SNTB1: variants seen among roughly 807,000 people sequenced by gnomAD.
SNTB1 encodes syntrophin beta 1.
In SNTB1, 36 loss-of-function variants were observed where a neutral mutation model predicts 48.9. That is an observed-to-expected ratio of 0.74 (90% CI 0.56 to 0.97). The LOEUF (loss-of-function observed/expected upper bound fraction) is 0.97. Among genes scored for constraint, SNTB1 ranks in the 50% least tolerant of loss-of-function variants. The pLI is 0.00. For missense variants in SNTB1, 786 were observed against 703.4 expected, an observed-to-expected ratio of 1.12 and a Z score of -1.33; for synonymous variants, 299 against 294.6, an observed-to-expected ratio of 1.01 and a Z score of -0.15.
chr8:120,603,275 T>C (rs1193756333), intron 3 of SNTB1, among the ~76,000 whole-genome samples: 1 of 152,100 alleles, frequency 6.6e-6, no homozygotes, highest in African/African-American at 2.4e-5. Context: ...AATTTTTGTA[T>C]TTCTGGTAGA....
At chr8:120,693,667 A>G (rs958539694) in intron 2 of SNTB1, 25 bp downstream of exon 2, 5 of 1,601,506 alleles carry the variant, frequency 3.1e-6, no homozygotes, top group Non-Finnish European at 3.4e-6. Flanking sequence ...TGCTTGATAC[A>G]GTGGAGAGTT....
intron 3 of SNTB1, among the ~76,000 whole-genome samples, chr8:120,598,020 A>T (rs576693843): frequency 2.4e-4 from 36 of 152,174 alleles, no homozygotes; most frequent in Non-Finnish European, 4.4e-4. Flanking sequence ...CTCAAGAGTA[A>T]ACTTTTTTCT....
In SNTB1 at chr8:120,811,931, G is replaced by C. The variant is rs1820447178; in HGVS notation, c.-88C>G. 4.7e-6 allele frequency: 6 copies of C among 1,279,474 alleles called. No individual in the cohort carries two copies. The Admixed American group carries it at 1.7e-4, about 36-fold the overall frequency. The allele number at this position is 1,279,474 out of a possible 1,614,324, so 79.3% of individuals were successfully genotyped here. On this transcript the variant is annotated 5_prime_UTR_variant, in exon 1 of 7. Coordinates refer to ENST00000517992, the MANE Select transcript of SNTB1 (RefSeq NM_021021.4). ...CGGGGGGAGGACGCGGGGCCCGGGG[G>C]AGCGAGGAGAGTGCGTCCCGCGGGG...
intron 3 of SNTB1, among the ~76,000 whole-genome samples, chr8:120,585,013 TA>T (rs1321889279): frequency 1.3e-5 from 2 of 152,162 alleles, no homozygotes; most frequent in African/African-American, 4.8e-5. Context: ...GCTGACACCT[TA>T]ATCTCCTAAT....
At chr8:120,628,625 C>T (rs1816924671) in intron 3 of SNTB1, among the ~76,000 whole-genome samples, 1 of 152,156 alleles carries the variant, frequency 6.6e-6, no homozygotes, top group Non-Finnish European at 1.5e-5. Context: ...GGTGTGGTGG[C>T]ATGCGCCTGT....
rs536390955 is a variant in SNTB1, at chr8:120,750,658, T to A, written c.572-56750A>T. On this transcript the variant is annotated intron_variant, in intron 1 of 6. Coordinates refer to ENST00000517992, the MANE Select transcript of SNTB1 (RefSeq NM_021021.4). ...TATAAAATAATTGAATACACTGGGGTGTATCTGGCCTTCTGTTTAAATGAA... is the reference window on the plus strand; with the variant it reads ...TATAAAATAATTGAATACACTGGGGAGTATCTGGCCTTCTGTTTAAATGAA... Among the ~76,000 whole-genome samples the A allele has an allele frequency of 6.1e-4, 92 of 151,872 alleles. 1 individual carries two copies. Among genetic ancestry groups the A allele is most frequent in the African/African-American group, 2.1e-3 (88 of 41,328 alleles).
chr8:120,607,548 T>C (rs976168892), intron 3 of SNTB1, among the ~76,000 whole-genome samples: 2 of 152,224 alleles, frequency 1.3e-5, no homozygotes, highest in African/African-American at 2.4e-5. Context: ...TAATGTTAAA[T>C]GGCCATTTAA....
At chr8:120,703,441 T>A (rs866057238) in intron 1 of SNTB1, among the ~76,000 whole-genome samples, 21 of 152,284 alleles carry the variant, frequency 1.4e-4, no homozygotes, top group African/African-American at 5.1e-4. Context: ...TCAGAGTTGT[T>A]CTCTAGGAGC....
intron 4 of SNTB1, among the ~76,000 whole-genome samples, chr8:120,563,524 G>A (rs966475441): frequency 9.2e-5 from 14 of 152,034 alleles, no homozygotes; most frequent in Admixed American, 5.2e-4. Flanking sequence ...CATGGCAGTC[G>A]ACACCAGGAA....
chr8:120,791,500 C>T (rs527763133), intron 1 of SNTB1, among the ~76,000 whole-genome samples: 2 of 152,144 alleles, frequency 1.3e-5, no homozygotes, highest in Admixed American at 6.5e-5. Context: ...TCAGAGTAAA[C>T]AGATAACTTA....
intron 3 of SNTB1, among the ~76,000 whole-genome samples, chr8:120,629,091 T>C (rs1816936778): frequency 6.6e-6 from 1 of 152,208 alleles, no homozygotes; most frequent in Non-Finnish European, 1.5e-5. Context: ...CAGTCTCTGG[T>C]CTTCCCCTGA....
intron 1 of SNTB1, among the ~76,000 whole-genome samples, chr8:120,794,661 G>A (rs918062576): frequency 5.9e-5 from 9 of 152,128 alleles, no homozygotes; most frequent in African/African-American, 2.2e-4. Context: ...GGTAATATTA[G>A]TTTTTATTAG....
At chr8:120,566,188 G>A (rs566864601) in intron 4 of SNTB1, among the ~76,000 whole-genome samples, 2 of 152,196 alleles carry the variant, frequency 1.3e-5, no homozygotes, top group South Asian at 2.1e-4. Context: ...AATTAGCCAA[G>A]TGTGGTCATG....
chr8:120,585,204 T>C (rs910301442), intron 3 of SNTB1, among the ~76,000 whole-genome samples: 8 of 152,192 alleles, frequency 5.3e-5, no homozygotes, highest in African/African-American at 1.9e-4. Flanking sequence ...AAGAAGAAAC[T>C]GTGGTTCTGA....
intron 2 of SNTB1, among the ~76,000 whole-genome samples, chr8:120,655,740 C>T (rs991589973): frequency 1.3e-5 from 2 of 152,164 alleles, no homozygotes; most frequent in Admixed American, 1.3e-4. Context: ...TGTTGAGCTT[C>T]CCAAAGATAG....
intron 6 of SNTB1, 57 bp from the exon 7 acceptor site, chr8:120,539,026 G>C (rs560854527): frequency 7.4e-7 from 1 of 1,357,430 alleles, no homozygotes; most frequent in South Asian, 1.3e-5. Context: ...TGATGTAGAT[G>C]GGTGATTTGC....
At chr8:120,679,986 T>G (rs919970015) in intron 2 of SNTB1, among the ~76,000 whole-genome samples, 14 of 152,188 alleles carry the variant, frequency 9.2e-5, no homozygotes, top group African/African-American at 3.4e-4. Context: ...AGAACTATAT[T>G]TTTTCTTGCC....
intron 5 of SNTB1, chr8:120,542,277 T>A: frequency 3.1e-6 from 1 of 325,710 alleles, no homozygotes. Flanking sequence ...TATCCAGCCA[T>A]CTAACAACAC....
In SNTB1 at chr8:120,676,589, T is replaced by C. The variant is rs2129802811; in HGVS notation, c.788+17103A>G. ...GTTTTCATTAGTTCATTTAGCTAAA[T>C]GCTGGTATATAGCAGTTAGTTTTCT... On this transcript the variant is annotated intron_variant, in intron 2 of 6. Coordinates refer to ENST00000517992, the MANE Select transcript of SNTB1 (RefSeq NM_021021.4). 2.0e-5 allele frequency among the ~76,000 whole-genome samples: 3 copies of C among 152,294 alleles called. 1 individual carries two copies. The East Asian group carries it at 5.8e-4, about 29-fold the overall frequency.
Sources: gnomAD v4.1 joint callset for allele counts (sites outside exome capture counted in the v4.1 genomes callset) on GRCh38, gnomAD v4.1.1 for gene constraint, MANE v1.5 for transcripts, NCBI Gene and HGNC (gene_info 2026-07-23, HGNC 2026-07-21) for gene names.